The following ZDHHC14 variants were observed in gnomAD, a reference collection of about 807,000 sequenced individuals.
The protein encoded by ZDHHC14 is palmitoyltransferase ZDHHC14.
ZDHHC14 carries 16 observed loss-of-function variants against 47.7 expected under a neutral mutation model. The ratio of observed to expected loss-of-function variants is 0.34; its 90% CI spans 0.23 to 0.51. The LOEUF (loss-of-function observed/expected upper bound fraction) is 0.51, where lower values mean the gene tolerates loss of function less well. Among genes scored for constraint, ZDHHC14 ranks in the 20% least tolerant of loss-of-function variants. ZDHHC14 has a pLI of 0.97. For synonymous variants in ZDHHC14, 293 were observed against 278.9 expected (o/e 1.05, Z -0.50); for missense variants, 515 against 662.5 (o/e 0.78, Z 2.44).
At chr6:157,472,771 G>A (rs1339485317) in intron 1 of ZDHHC14, among the ~76,000 whole-genome samples, 2 of 152,174 alleles carry the variant, frequency 1.3e-5, no homozygotes, top group South Asian at 2.1e-4. Context: ...GTCCTTACAT[G>A]TGGATACAAA....
chr6:157,620,250 C>T (rs533494446), intron 3 of ZDHHC14, among the ~76,000 whole-genome samples: 2 of 152,266 alleles, frequency 1.3e-5, no homozygotes, highest in Admixed American at 6.5e-5. Context: ...GGTGGCCCAA[C>T]GCATCACATA....
At chr6:157,638,855 C>G (rs1471704855) in intron 5 of ZDHHC14, among the ~76,000 whole-genome samples, 1 of 152,192 alleles carries the variant, frequency 6.6e-6, no homozygotes, top group African/African-American at 2.4e-5. Context: ...GACCTCCGTG[C>G]AGGGCTGTGG....
At chr6:157,481,797 G>A (rs532697339) in intron 1 of ZDHHC14, among the ~76,000 whole-genome samples, 75 of 152,262 alleles carry the variant, frequency 4.9e-4, no homozygotes, top group Admixed American at 1.1e-3. Flanking sequence ...CGATAGCACC[G>A]ATGCTTAGAA....
intron 2 of ZDHHC14, among the ~76,000 whole-genome samples, chr6:157,585,413 C>CAAAAAAAAA (rs111505965): frequency 1.0e-5 from 1 of 98,816 alleles, no homozygotes; most frequent in African/African-American, 3.4e-5. Context: ...ACCAAAAATA[C>CAAAAAAAAA]AAAAAAAAAA....
At chr6:157,548,434 TTG>T (rs1491229167) in intron 2 of ZDHHC14, among the ~76,000 whole-genome samples, 6 of 130,722 alleles carry the variant, frequency 4.6e-5, no homozygotes, top group Non-Finnish European at 8.2e-5. Context: ...GTTGTTGTTG[TTG>T]TTGTTTGTTT....
chr6:157,442,399 A>C (rs566285824), intron 1 of ZDHHC14, among the ~76,000 whole-genome samples: 3 of 152,276 alleles, frequency 2.0e-5, no homozygotes, highest in African/African-American at 4.8e-5. Flanking sequence ...CCAAACCAAA[A>C]CAAAACAACT....
intron 8 of ZDHHC14, among the ~76,000 whole-genome samples, chr6:157,662,772 C>G (rs922134681): frequency 2.6e-5 from 4 of 152,200 alleles, no homozygotes; most frequent in African/African-American, 7.2e-5. Flanking sequence ...GACATTCAAG[C>G]CATCAGACAC....
chr6:157,504,966 A>G (rs1468164734), intron 1 of ZDHHC14, among the ~76,000 whole-genome samples: 1 of 150,818 alleles, frequency 6.6e-6, no homozygotes, highest in Non-Finnish European at 1.5e-5. Context: ...GAGCGCCACC[A>G]CACCCGGCTA....
At chr6:157,664,481 G>A (rs1778470767) in intron 8 of ZDHHC14, among the ~76,000 whole-genome samples, 1 of 152,180 alleles carries the variant, frequency 6.6e-6, no homozygotes, top group Admixed American at 6.5e-5. Flanking sequence ...GAACGTGTGT[G>A]GGTTTGTATT....
chr6:157,452,082 AC>A (rs2114803917), intron 1 of ZDHHC14, among the ~76,000 whole-genome samples: 1 of 152,236 alleles, frequency 6.6e-6, no homozygotes, highest in South Asian at 2.1e-4. Context: ...AGTATTGATA[AC>A]CTGGTCAGTG....
At chr6:157,535,014 A>T (rs1407150109) in intron 1 of ZDHHC14, among the ~76,000 whole-genome samples, 3 of 152,208 alleles carry the variant, frequency 2.0e-5, no homozygotes, top group Non-Finnish European at 4.4e-5. Flanking sequence ...TATGATTTGA[A>T]GCCTGTATTA....
chr6:157,419,667 T>G (rs1178754415), intron 1 of ZDHHC14, among the ~76,000 whole-genome samples: 1 of 152,264 alleles, frequency 6.6e-6, no homozygotes, highest in Non-Finnish European at 1.5e-5. Flanking sequence ...CTGAGTAATA[T>G]TCCATTGTAT....
intron 5 of ZDHHC14, among the ~76,000 whole-genome samples, chr6:157,634,135 A>T (rs930755559): frequency 6.6e-6 from 1 of 152,120 alleles, no homozygotes; most frequent in Non-Finnish European, 1.5e-5. Context: ...TCCATAATAG[A>T]TGGTATCTCT....
intron 1 of ZDHHC14, among the ~76,000 whole-genome samples, chr6:157,426,622 T>C (rs1778226624): frequency 6.6e-6 from 1 of 151,742 alleles, no homozygotes; most frequent in Non-Finnish European, 1.5e-5. Flanking sequence ...GCCCTGGCTG[T>C]GGGTTTGGAT....
chr6:157,481,053 C>T (rs774814550), intron 1 of ZDHHC14, among the ~76,000 whole-genome samples: 1 of 152,088 alleles, frequency 6.6e-6, no homozygotes, highest in Non-Finnish European at 1.5e-5. Context: ...GCTATTCAAC[C>T]GAAACCATTA....
chr6:157,627,549 G>A (rs1785487362), intron 3 of ZDHHC14, among the ~76,000 whole-genome samples: 1 of 152,174 alleles, frequency 6.6e-6, no homozygotes. Flanking sequence ...CCAGGTGAGA[G>A]GCCTGGGGTC....
At chr6:157,624,534 G>A (rs367614332) in intron 3 of ZDHHC14, among the ~76,000 whole-genome samples, 1 of 152,192 alleles carries the variant, frequency 6.6e-6, no homozygotes, top group Admixed American at 6.5e-5. Context: ...GTCCTATGTT[G>A]TGGCAGTTTC....
chr6:157,662,230 G>A lies in ZDHHC14; in HGVS notation c.1068+8603G>A, dbSNP rs142576452. Among the ~76,000 whole-genome samples, 1,276 of 152,222 alleles carry A rather than the reference G, an allele frequency of 8.4e-3. 25 individuals carry two copies. Among genetic ancestry groups the A allele is most frequent in the African/African-American group, 0.029 (1,198 of 41,550 alleles). The stretch of plus-strand genomic sequence containing the variant: ...AGAGTCTCACTCTGTCGCCCAGGCT[G>A]TAGTGCGGTAGCACGATCTCTGCTC... On this transcript the variant is annotated intron_variant, in intron 8 of 8. Transcript: ENST00000359775.
At chr6:157,438,575 A>G (rs1186032896) in intron 1 of ZDHHC14, among the ~76,000 whole-genome samples, 1 of 152,264 alleles carries the variant, frequency 6.6e-6, no homozygotes, top group Non-Finnish European at 1.5e-5. Context: ...TGCAAATGTG[A>G]GGATCACCAT....
Sources: allele counts gnomAD v4.1 joint callset (sites outside exome capture counted in the v4.1 genomes callset), GRCh38; gene constraint gnomAD v4.1.1; transcripts MANE v1.5; gene names NCBI Gene and HGNC (gene_info 2026-07-23, HGNC 2026-07-21).